The following SLC16A14 variants were observed in gnomAD, a reference collection of about 807,000 sequenced individuals.
SLC16A14 encodes the protein monocarboxylate transporter 14.
Under a neutral mutation model 35.8 loss-of-function variants are expected in SLC16A14, and 14 were observed. The observed-to-expected ratio is 0.39, with a 90% CI of 0.26 to 0.61. The LOEUF (loss-of-function observed/expected upper bound fraction) is 0.61. Ranked by LOEUF, SLC16A14 falls within the 20% of genes least tolerant of loss-of-function variation. SLC16A14 has a pLI of 0.51. For missense variants in SLC16A14, 533 were observed against 655.0 expected, an observed-to-expected ratio of 0.81 and a Z score of 2.03; for synonymous variants, 248 against 258.9, an observed-to-expected ratio of 0.96 and a Z score of 0.40.
In SLC16A14 at chr2:230,043,995, G is replaced by A. The variant is rs999637370; in HGVS notation, c.1381+1750C>T. On this transcript the variant is annotated intron_variant, in intron 4 of 4. Coordinates refer to ENST00000295190, the MANE Select transcript of SLC16A14 (RefSeq NM_152527.5). The stretch of plus-strand genomic sequence containing the variant: ...TAGATGTTGCCAACTAGTGGCCTCC[G>A]GGCCTGTGGTAGGCAGAATGCTCCC... Among the ~76,000 whole-genome samples the A allele has an allele frequency of 6.6e-5, 10 of 152,170 alleles. No individual in the cohort carries two copies. The East Asian group carries it at 7.7e-4, about 12-fold the overall frequency.
At chr2:230,060,371 T>A (rs59321174) in intron 1 of SLC16A14, among the ~76,000 whole-genome samples, 30,293 of 152,038 alleles carry the variant, frequency 0.2, 3,089 homozygotes, top group Middle Eastern at 0.25. Context: ...TGAGACAGGG[T>A]CTTGCTCTGT....
chr2:230,047,422 C>G (rs1277077243), intron 3 of SLC16A14, among the ~76,000 whole-genome samples: 1 of 150,652 alleles, frequency 6.6e-6, no homozygotes, highest in Non-Finnish European at 1.5e-5. Context: ...AGATGATCCT[C>G]TCACCTCAGT....
chr2:230,051,067 A>C (rs1189387183), intron 2 of SLC16A14, among the ~76,000 whole-genome samples: 1 of 152,220 alleles, frequency 6.6e-6, no homozygotes, highest in Non-Finnish European at 1.5e-5. Flanking sequence ...ATCCATTTCC[A>C]TTGTGTAAAA....
At position 230,046,540 on chromosome 2, in the gene SLC16A14, C is replaced by T. The variant is rs1022479466; in HGVS notation, c.586G>A (p.Gly196Ser). The change falls in exon 4 of 5, where the codon GGT (glycine) becomes AGT (serine). Residue 196 changes from glycine to serine, a missense_variant. Coordinates refer to ENST00000295190, the MANE Select transcript of SLC16A14 (RefSeq NM_152527.5). This position sits in a 1 kb window ranked among gnomAD's most constrained non-coding sequence, Gnocchi z 5.0. ...YGWRNAMLIQ[G>S]AVSLNLCVCG... ...ACACACAGGTTTAGGGAAACGGCAC[C>T]TTGGATCAACATGGCATTCCTCCAG... 1 of 1,614,128 alleles carries T rather than the reference C, an allele frequency of 6.2e-7. No individual in the cohort carries two copies.
chr2:230,054,734 C>T (rs867548708), intron 2 of SLC16A14, among the ~76,000 whole-genome samples: 4 of 152,014 alleles, frequency 2.6e-5, no homozygotes, highest in Non-Finnish European at 5.9e-5. Context: ...GAGGTGATTA[C>T]GTTTTATTAA....
intron 2 of SLC16A14, among the ~76,000 whole-genome samples, chr2:230,050,825 C>G (rs1204321296): frequency 6.6e-6 from 1 of 152,188 alleles, no homozygotes; most frequent in Non-Finnish European, 1.5e-5. Context: ...AAACTAAGCT[C>G]TCTTCATTAT....
chr2:230,045,249 C>G (rs1175081917), intron 4 of SLC16A14, among the ~76,000 whole-genome samples: 2 of 152,210 alleles, frequency 1.3e-5, no homozygotes, highest in Admixed American at 1.3e-4. Context: ...TGCATTTCAT[C>G]TATATTCTAC....
At chr2:230,047,307 CTTTTTTTTTT>C (rs56262602) in intron 3 of SLC16A14, among the ~76,000 whole-genome samples, 2 of 110,316 alleles carry the variant, frequency 1.8e-5, no homozygotes, top group South Asian at 3.1e-4. Flanking sequence ...TATCTGACTT[CTTTTTTTTTT>C]TTTTTTTTTT....
chr2:230,054,583 A>G (rs2077690081), intron 2 of SLC16A14, among the ~76,000 whole-genome samples: 1 of 152,088 alleles, frequency 6.6e-6, no homozygotes, highest in African/African-American at 2.4e-5. Flanking sequence ...CCTCAAAATC[A>G]TCTTTGGAGA....
In SLC16A14 at chr2:230,037,236, G is replaced by A; in HGVS notation, c.*144C>T. 4 of 627,692 alleles carry A rather than the reference G, an allele frequency of 6.4e-6. No homozygotes were observed. The highest frequency in any genetic ancestry group is 7.8e-6 in the Non-Finnish European group (3 of 383,800). The allele number at this position is 627,692 out of a possible 1,614,324, so 38.9% of individuals were successfully genotyped here. A position where few individuals can be genotyped will look rare whatever the true frequency, so the allele number is the denominator to read the frequency against. On this transcript the variant is annotated 3_prime_UTR_variant, in exon 5 of 5. Transcript: ENST00000295190. ...CAGAGAGGCAGTGCTGCTTACAAATGAGGCTGTGACAATGGCATTTACAAA... is the reference window on the plus strand; with the variant it reads ...CAGAGAGGCAGTGCTGCTTACAAATAAGGCTGTGACAATGGCATTTACAAA...
chr2:230,039,107 G>A (rs1219379713), intron 4 of SLC16A14, among the ~76,000 whole-genome samples: 1 of 151,222 alleles, frequency 6.6e-6, no homozygotes, highest in Non-Finnish European at 1.5e-5. Flanking sequence ...GTTGTTATCT[G>A]TATCTCTTTG....
chr2:230,049,871 C>A lies in SLC16A14; in HGVS notation c.293G>T (p.Gly98Val). The A allele has an allele frequency of 2.5e-6, 4 of 1,614,102 alleles. No individual in the cohort carries two copies. The highest frequency in any genetic ancestry group is 3.4e-6 in the Non-Finnish European group (4 of 1,180,018). ...TCCAATGATCGCAGTCTGGCGGCACCCACAGGTGTTAATGAACAAGCCGAT... is the reference window on the plus strand; with the variant it reads ...TCCAATGATCGCAGTCTGGCGGCACACACAGGTGTTAATGAACAAGCCGAT... The part of the protein sequence containing the change: ...PFIGLFINTC[G>V]CRQTAIIGGL... Residue 98 changes from glycine to valine, a missense_variant, in exon 3 of 5, where the codon GGG becomes GTG. Physicochemically the swap from Gly to Val is moderately radical, Grantham distance 109. Coordinates refer to ENST00000295190, the MANE Select transcript of SLC16A14 (RefSeq NM_152527.5).
At chr2:230,058,043 AT>A (rs1469767895) in intron 2 of SLC16A14, among the ~76,000 whole-genome samples, 13 of 79,700 alleles carry the variant, frequency 1.6e-4, no homozygotes, top group African/African-American at 5.3e-4. Context: ...AAAAAAAAAT[AT>A]ATCAGAACTC....
At chr2:230,039,224 T>C (rs1285852118) in intron 4 of SLC16A14, among the ~76,000 whole-genome samples, 1 of 151,938 alleles carries the variant, frequency 6.6e-6, no homozygotes, top group Non-Finnish European at 1.5e-5. Flanking sequence ...TTTATAATCT[T>C]TTCTTTAAAA....
intron 1 of SLC16A14, among the ~76,000 whole-genome samples, chr2:230,066,178 C>T (rs2077793532): frequency 1.3e-5 from 2 of 152,048 alleles, no homozygotes; most frequent in South Asian, 2.1e-4. Context: ...GTGGTGCGCA[C>T]CTATACTCAC....
chr2:230,052,916 T>G (rs1372014638), intron 2 of SLC16A14, among the ~76,000 whole-genome samples: 2 of 148,284 alleles, frequency 1.3e-5, no homozygotes, highest in African/African-American at 2.5e-5. Context: ...CCTCCCCCCC[T>G]TCCTTCCCTT....
At chr2:230,048,940 A>AAC (rs1248389390) in intron 3 of SLC16A14, among the ~76,000 whole-genome samples, 1 of 147,066 alleles carries the variant, frequency 6.8e-6, no homozygotes. Flanking sequence ...AAAAAAAAAA[A>AAC]AAAAACAAAT....
At chr2:230,064,447 A>G (rs1450563970) in intron 1 of SLC16A14, among the ~76,000 whole-genome samples, 1 of 152,168 alleles carries the variant, frequency 6.6e-6, no homozygotes, top group Non-Finnish European at 1.5e-5. Flanking sequence ...TGCATTGTCA[A>G]AGGGCCAGTG....
At chr2:230,047,211 T>C (rs1298516422) in intron 3 of SLC16A14, among the ~76,000 whole-genome samples, 8 of 152,288 alleles carry the variant, frequency 5.3e-5, no homozygotes, top group Non-Finnish European at 2.9e-5. Context: ...GAGTGTTTAT[T>C]TCCTCGCCTA....
Sources: gnomAD v4.1 joint callset for allele counts (sites outside exome capture counted in the v4.1 genomes callset) on GRCh38, gnomAD v4.1.1 for gene constraint, Gnocchi (gnomAD v3.1) non-coding constraint, MANE v1.5 for transcripts, NCBI Gene and HGNC (gene_info 2026-07-23, HGNC 2026-07-21) for gene names.